ZNF232: variants seen among roughly 807,000 people sequenced by gnomAD.
ZNF232 encodes zinc finger and SCAN domain-containing protein 11.
Under a neutral mutation model 25.2 loss-of-function variants are expected in ZNF232, and 25 were observed. The observed-to-expected ratio is 0.99, with a 90% CI of 0.72 to 1.39. ZNF232 has a LOEUF of 1.39. ZNF232 is among the 40% of genes most tolerant of loss of function. The pLI, the probability that ZNF232 is intolerant of heterozygous loss-of-function variation, is 0.00. For synonymous variants in ZNF232, 193 were observed against 182.9 expected, an observed-to-expected ratio of 1.06 and a Z score of -0.45; for missense variants, 519 against 520.9, an observed-to-expected ratio of 1.00 and a Z score of 0.04.
chr17:5,106,041 T>C (rs767175093), exon 4 of ZNF232: 2 of 1,614,168 alleles, frequency 1.2e-6, no homozygotes, highest in Middle Eastern at 1.6e-4. Flanking sequence ...CTGAACAAGA[T>C]GAGCACCCCA....
chr17:5,118,050 C>G (rs1422880702), intron 1 of ZNF232: 1 of 144,702 alleles, frequency 6.9e-6, no homozygotes, highest in Non-Finnish European at 1.5e-5. Context: ...GCCTGGGCAA[C>G]AGAGTGGGAC....
At chr17:5,105,941 C>T (rs779280176) in exon 4 of ZNF232, 21 of 1,614,096 alleles carry the variant, frequency 1.3e-5, no homozygotes, top group Non-Finnish European at 6.8e-6. Context: ...TGTGAATTCT[C>T]CGATGCTGAC....
chr17:5,111,843 C>T (rs140157979), upstream of ZNF232: 510 of 1,613,724 alleles, frequency 3.2e-4, 1 homozygote, highest in South Asian at 6.8e-4. Context: ...CCGCGAATCG[C>T]GCCACTTACA....
In ZNF232 at chr17:5,122,095, G is replaced by A. The variant is rs551916656; in HGVS notation, c.-530+882C>T. Reference sequence around the variant, plus strand: ...GGCCAGAGAGATGTGTCAGGGGGCTGGAGCAGGGAGTGTGGCCAGAGAAGT... The same window carrying A: ...GGCCAGAGAGATGTGTCAGGGGGCTAGAGCAGGGAGTGTGGCCAGAGAAGT... On this transcript the variant is annotated intron_variant, in intron 1 of 4. Coordinates refer to the ZNF232 transcript ENST00000250076. Among the ~76,000 whole-genome samples, 37 of 152,052 alleles carry A rather than the reference G, an allele frequency of 2.4e-4. No homozygotes were observed. The East Asian group carries it at 4.8e-3, about 20-fold the overall frequency.
chr17:5,121,150 C>G (rs1194209041), intron 1 of ZNF232, among the ~76,000 whole-genome samples: 2 of 152,178 alleles, frequency 1.3e-5, no homozygotes, highest in African/African-American at 2.4e-5. Context: ...ACACCCAGTG[C>G]CTGTCTTTGA....
At chr17:5,111,996 C>G (rs2072427809), upstream of ZNF232, 1 of 955,964 alleles carries the variant, frequency 1.0e-6, no homozygotes, top group Admixed American at 2.9e-5. Context: ...AGCCCGGGAA[C>G]CGGTTCCTGG....
intron 1 of ZNF232, among the ~76,000 whole-genome samples, chr17:5,110,074 T>C (rs1372037254): frequency 6.6e-6 from 1 of 152,092 alleles, no homozygotes; most frequent in Non-Finnish European, 1.5e-5. Context: ...GTATTTTTAG[T>C]AGGGACGGGG....
At chr17:5,106,659 T>C in intron 3 of ZNF232, 126 bp from the exon 4 acceptor site, 1 of 824,188 alleles carries the variant, frequency 1.2e-6, no homozygotes, top group East Asian at 2.7e-5. Context: ...CCAACAGTTA[T>C]CTCTTGGTGA....
chr17:5,114,803 C>G (rs2072490993), upstream of ZNF232: 1 of 152,162 alleles, frequency 6.6e-6, no homozygotes, highest in African/African-American at 2.4e-5. Context: ...GCACTCCAGC[C>G]TGGCAGCAGT....
intron 1 of ZNF232, chr17:5,118,259 C>G (rs926375170): frequency 6.6e-6 from 1 of 152,538 alleles, no homozygotes; most frequent in Non-Finnish European, 1.5e-5. Flanking sequence ...TTACTCAGCC[C>G]ACTGTGCTCA....
At chr17:5,110,695 C>G (rs889605337) in intron 1 of ZNF232, among the ~76,000 whole-genome samples, 1 of 152,164 alleles carries the variant, frequency 6.6e-6, no homozygotes, top group Non-Finnish European at 1.5e-5. Flanking sequence ...GAACAAGTCT[C>G]GGGTACAGTG....
At chr17:5,117,349 C>A (rs561982737) in intron 1 of ZNF232, among the ~76,000 whole-genome samples, 1 of 152,080 alleles carries the variant, frequency 6.6e-6, no homozygotes, top group South Asian at 2.1e-4. Context: ...AACCCCCTCT[C>A]TACAAAAAAT....
chr17:5,117,573 G>T (rs568687869), intron 1 of ZNF232, among the ~76,000 whole-genome samples: 1 of 151,766 alleles, frequency 6.6e-6, no homozygotes, highest in Non-Finnish European at 1.5e-5. Context: ...AAATGGGGTC[G>T]CATCAGAATA....
upstream of ZNF232, among the ~76,000 whole-genome samples, chr17:5,115,495 G>A (rs1169782873): frequency 6.6e-6 from 1 of 151,844 alleles, no homozygotes; most frequent in East Asian, 1.9e-4. Context: ...AGGTTACAGT[G>A]AGCCGAGATG....
At chr17:5,111,629 G>T in intron 1 of ZNF232, 171 bp downstream of exon 1, 1 of 932,712 alleles carries the variant, frequency 1.1e-6, no homozygotes, top group Non-Finnish European at 1.6e-6. Flanking sequence ...CACGTGACGC[G>T]ACGCAACGCA....
At chr17:5,120,186 G>C (rs1424053631) in intron 1 of ZNF232, among the ~76,000 whole-genome samples, 3 of 152,178 alleles carry the variant, frequency 2.0e-5, no homozygotes, top group Admixed American at 1.3e-4. Flanking sequence ...CTTTCCTCCA[G>C]CAGATTAACA....
At chr17:5,109,721 C>T (rs201450534) in exon 2 of ZNF232, 17 of 1,614,098 alleles carry the variant, frequency 1.1e-5, no homozygotes, top group Non-Finnish European at 1.3e-5. Flanking sequence ...AAGACTGTTC[C>T]TCTTCCTTTG....
upstream of ZNF232, among the ~76,000 whole-genome samples, chr17:5,115,536 G>C (rs1045921085): frequency 8.3e-6 from 1 of 120,900 alleles, no homozygotes; most frequent in African/African-American, 3.3e-5. Context: ...GGGCAACAGA[G>C]CAAGACTCCG....
chr17:5,109,618 C>T, exon 2 of ZNF232: 1 of 1,614,228 alleles, frequency 6.2e-7, no homozygotes, highest in Non-Finnish European at 8.5e-7. Context: ...TCCCGGGGAC[C>T]AGGAGTCTCC....
Sources: allele counts gnomAD v4.1 joint callset (sites outside exome capture counted in the v4.1 genomes callset), GRCh38; gene constraint gnomAD v4.1.1; transcripts MANE v1.5; gene names NCBI Gene and HGNC (gene_info 2026-07-23, HGNC 2026-07-21).